The following ZNF585A variants were observed in gnomAD, a reference collection of about 807,000 sequenced individuals.
The protein encoded by ZNF585A is zinc finger protein 585A.
A neutral mutation model predicts 14.9 loss-of-function variants in ZNF585A; 9 were observed. The observed-to-expected ratio is 0.60, with a 90% confidence interval of 0.36 to 1.05. ZNF585A has a LOEUF of 1.05. Among genes scored for constraint, ZNF585A ranks in the 50% least tolerant of loss-of-function variants. The pLI is 0.01. For synonymous variants in ZNF585A, 276 were observed against 319.9 expected, an observed-to-expected ratio of 0.86 and a Z score of 1.46; for missense variants, 726 against 926.4, an observed-to-expected ratio of 0.78 and a Z score of 2.81.
At chr19:37,154,837 TAAAA>T (rs1971899079) in intron 4 of ZNF585A, among the ~76,000 whole-genome samples, 1 of 146,886 alleles carries the variant, frequency 6.8e-6, no homozygotes, top group Non-Finnish European at 1.5e-5. Context: ...AGAAAAGAAA[TAAAA>T]GTGACTAGCA....
chr19:37,156,153 G>A lies in ZNF585A; in HGVS notation c.199+76C>T, dbSNP rs1363172620. The A allele has an allele frequency of 4.9e-5, 78 of 1,586,620 alleles. No individual in the cohort carries two copies. The East Asian group carries it at 5.4e-4, about 11-fold the overall frequency. On this transcript the variant is annotated intron_variant, in intron 3 of 4. Coordinates refer to ENST00000292841, the MANE Select transcript of ZNF585A (RefSeq NM_001288800.2). ...CAAAATCATCACCTATTTAAGATGCGGACAGCATTCACCAACTGAGAATGA... is the reference window on the plus strand; with the variant it reads ...CAAAATCATCACCTATTTAAGATGCAGACAGCATTCACCAACTGAGAATGA...
In ZNF585A at chr19:37,152,906, A is replaced by G. The variant is rs769388120; in HGVS notation, c.993T>C (p.Tyr331=). The G allele has an allele frequency of 6.2e-6, 10 of 1,614,110 alleles. No individual in the cohort carries two copies. Among genetic ancestry groups the G allele is most frequent in the East Asian group, 2.2e-5 (1 of 44,900 alleles). ...TGGAATTATTGCTGAAGACCTTCCC[A>G]TATTCGGTACATATATAGGGCTTCA... ...TRVKPYICTE[Y]GKVFSNNSNL... is the part of the protein sequence containing the mutation. The change falls in exon 5 of 5, where the codon TAT becomes TAC. Residue 331 remains tyrosine (Y), a synonymous_variant. Coordinates refer to ENST00000292841, the MANE Select transcript of ZNF585A (RefSeq NM_001288800.2).
rs751490933 is a variant in ZNF585A at position 37,152,947 on chromosome 19, G to T, written c.952C>A (p.Arg318Ser). Residue 318 changes from arginine to serine, a missense_variant, in exon 5 of 5, where the codon CGT becomes AGT. By Grantham distance (110) the Arg-to-Ser change is moderately radical. Transcript: ENST00000292841. ...TAGGGCTTCACTCTTGTGTGAACAC[G>T]TTGATGTACCTGAAGTTGTGACTTG... ...ISKSQLQVHQRVHTRVKPYIC... is the reference protein window; with the variant it reads ...ISKSQLQVHQSVHTRVKPYIC... 1.2e-6 allele frequency: 2 copies of T among 1,614,168 alleles called. No homozygotes were observed. The highest frequency in any genetic ancestry group is 2.2e-5 in the South Asian group (2 of 91,084).
intron 1 of ZNF585A, among the ~76,000 whole-genome samples, chr19:37,171,921 CAT>C (rs1372743147): frequency 1.3e-5 from 2 of 150,910 alleles, no homozygotes; most frequent in Non-Finnish European, 2.9e-5. Context: ...AAAAAGTGCA[CAT>C]AGTTATTCCT....
In ZNF585A at chr19:37,150,308, T is replaced by A. The variant is rs1971806908; in HGVS notation, c.*1281A>T. 1 of 152,144 alleles carries A rather than the reference T, an allele frequency of 6.6e-6. No individual in the cohort carries two copies. Among genetic ancestry groups the A allele is most frequent in the Admixed American group, 6.5e-5 (1 of 15,268 alleles). The allele number at this position is 152,144 out of a possible 1,614,324, so 9.4% of individuals were successfully genotyped here. A position where few individuals can be genotyped will look rare whatever the true frequency, so the allele number is the denominator to read the frequency against. On this transcript the variant is annotated 3_prime_UTR_variant, in exon 5 of 5. Transcript: ENST00000292841. ...AGTAACGGGAGATAATTGTTCATCA[T>A]CGTGAGGGAAAAATCAATAAGGAGG...
At chr19:37,170,362 A>C (rs1599757221) in intron 1 of ZNF585A, among the ~76,000 whole-genome samples, 2 of 152,216 alleles carry the variant, frequency 1.3e-5, no homozygotes, top group Non-Finnish European at 2.9e-5. Context: ...GAGAACATAA[A>C]ATTTAACAAA....
chr19:37,167,583 T>TTA (rs1972112611), intron 2 of ZNF585A, among the ~76,000 whole-genome samples: 2 of 148,422 alleles, frequency 1.3e-5, no homozygotes, highest in African/African-American at 5.1e-5. Flanking sequence ...AGCCTTTTAC[T>TTA]TTTTATTTTT....
intron 3 of ZNF585A, 34 bp downstream of exon 3, chr19:37,156,195 G>T (rs188692875): frequency 1.2e-6 from 2 of 1,608,058 alleles, no homozygotes; most frequent in Non-Finnish European, 1.7e-6. Flanking sequence ...TCTCAGTGAG[G>T]CCTCCTTTCA....
chr19:37,155,872 G>T lies in ZNF585A; in HGVS notation c.285C>A (p.Ser95Arg). The T allele has an allele frequency of 9.3e-6, 15 of 1,612,218 alleles. No homozygotes were observed. The highest frequency in any genetic ancestry group is 1.3e-5 in the Non-Finnish European group (15 of 1,179,998). ...CACACTCGCTTCACTCACCTGGGCA[G>T]CTCTGACGTGGCCTCTCACCCTGCA... The part of the protein sequence containing the change: ...WALQGERPRQ[S>R]CPGEKLWDHN... Residue 95 changes from serine to arginine, a missense_variant, in exon 4 of 5, where the codon AGC (serine) becomes AGA (arginine). By Grantham distance (110) the Ser-to-Arg change is moderately radical. Transcript: ENST00000292841.
rs773652185 is a variant in ZNF585A at position 37,152,920 on chromosome 19, T to C, written c.979A>G (p.Ile327Val). The part of the protein sequence containing the change: ...QRVHTRVKPY[I>V]CTEYGKVFSN... ...AAGACCTTCCCATATTCGGTACATATATAGGGCTTCACTCTTGTGTGAACA... is the reference window on the plus strand; with the variant it reads ...AAGACCTTCCCATATTCGGTACATACATAGGGCTTCACTCTTGTGTGAACA... The change falls in exon 5 of 5, where the codon ATA becomes GTA. Residue 327 changes from isoleucine (I) to valine (V), a missense_variant. Physicochemically the swap from Ile to Val is conservative, Grantham distance 29. This residue lies in a region of ZNF585A where 483 missense variants were observed against 542.8 expected (regional missense o/e 0.89). Coordinates refer to ENST00000292841, the MANE Select transcript of ZNF585A (RefSeq NM_001288800.2). 3 of 1,614,226 alleles carry C rather than the reference T, an allele frequency of 1.9e-6. No individual in the cohort carries two copies. The highest frequency in any genetic ancestry group is 2.5e-6 in the Non-Finnish European group (3 of 1,180,028).
chr19:37,153,975 T>A (rs990917514), intron 4 of ZNF585A, among the ~76,000 whole-genome samples: 1 of 152,168 alleles, frequency 6.6e-6, no homozygotes, highest in African/African-American at 2.4e-5. Flanking sequence ...TTCTTTCAAT[T>A]TGGAAAGAAA....
chr19:37,162,586 A>G (rs960997714), intron 2 of ZNF585A, among the ~76,000 whole-genome samples: 10 of 152,224 alleles, frequency 6.6e-5, no homozygotes, highest in African/African-American at 9.6e-5. Flanking sequence ...AATGCCCATC[A>G]GTGATAAACT....
chr19:37,152,343 T>TC lies in ZNF585A; in HGVS notation c.1555dup (p.Glu519GlyfsTer5). ...ACAAGTATTGCATTCATAAGGCTTC[T>TC]CCCCAGTATGGATTCTCTGATGTGT... On this transcript the variant is annotated frameshift_variant, in exon 5 of 5. Transcript: ENST00000292841. LOFTEE classifies it low-confidence loss of function (END_TRUNC). The TC allele has an allele frequency of 6.2e-7, 1 of 1,614,040 alleles. No individual in the cohort carries two copies. The highest frequency in any genetic ancestry group is 1.6e-4 in the Middle Eastern group (1 of 6,062).
At chr19:37,158,453 A>G (rs542809868) in intron 2 of ZNF585A, among the ~76,000 whole-genome samples, 1 of 152,314 alleles carries the variant, frequency 6.6e-6, no homozygotes. Flanking sequence ...ATTCTTGCCA[A>G]AAAATAAAAT....
chr19:37,169,172 A>G (rs992652075), intron 2 of ZNF585A, among the ~76,000 whole-genome samples: 4 of 152,208 alleles, frequency 2.6e-5, no homozygotes, highest in African/African-American at 9.6e-5. Context: ...CTAATACACT[A>G]TCACAATATC....
rs1971845942 is a variant in ZNF585A, at chr19:37,152,323, T to C, written c.1576A>G (p.Thr526Ala). ...TTCTGAGTGAAGGCTTTTCCACAAG[T>C]ATTGCATTCATAAGGCTTCTCCCCA... ...HTGEKPYECN[T>A]CGKAFTQKSH... is the part of the protein sequence containing the mutation. The change falls in exon 5 of 5, where the codon ACT becomes GCT. Residue 526 changes from threonine to alanine, a missense_variant. Physicochemically the swap from Thr to Ala is moderately conservative, Grantham distance 58. This residue lies in a region of ZNF585A where 243 missense variants were observed against 383.6 expected (regional missense o/e 0.63). Transcript: ENST00000292841. 7 of 1,613,586 alleles carry C rather than the reference T, an allele frequency of 4.3e-6. No individual in the cohort carries two copies. In the East Asian group the frequency reaches 1.6e-4, roughly 36 times the overall value.
chr19:37,171,518 C>T (rs912051178), intron 1 of ZNF585A, among the ~76,000 whole-genome samples: 1 of 152,174 alleles, frequency 6.6e-6, no homozygotes, highest in African/African-American at 2.4e-5. Flanking sequence ...GCTGGAAAAG[C>T]ATCTGGGAAA....
At chr19:37,164,635 C>G (rs1338492269) in intron 2 of ZNF585A, among the ~76,000 whole-genome samples, 1 of 152,134 alleles carries the variant, frequency 6.6e-6, no homozygotes, top group Non-Finnish European at 1.5e-5. Flanking sequence ...AATAATCTCT[C>G]GAAAAGTAAA....
At chr19:37,169,024 A>ATAAC (rs1016909652) in intron 2 of ZNF585A, among the ~76,000 whole-genome samples, 43 of 152,334 alleles carry the variant, frequency 2.8e-4, no homozygotes, top group African/African-American at 1.0e-3. Flanking sequence ...TTTGTTTCCT[A>ATAAC]TAACACTTTT....
Sources: gnomAD v4.1 joint callset for allele counts (sites outside exome capture counted in the v4.1 genomes callset) on GRCh38, gnomAD v4.1.1 for gene constraint, gnomAD v4.1.1 regional missense constraint, MANE v1.5 for transcripts, NCBI Gene and HGNC (gene_info 2026-07-23, HGNC 2026-07-21) for gene names.